Variants in ATP9B observed in about 807,000 individuals in gnomAD.
ATP9B encodes the protein ATPase phospholipid transporting 9B.
ATP9B carries 110 observed loss-of-function variants against 146.1 expected under a neutral mutation model. The observed-to-expected ratio is 0.75, with a 90% CI of 0.65 to 0.88. The LOEUF (loss-of-function observed/expected upper bound fraction) is 0.88, where lower values mean the gene tolerates loss of function less well. ATP9B is among the 40% of genes least tolerant of loss of function. ATP9B has a pLI of 0.00. For missense variants in ATP9B, 1,499 were observed against 1,496.4 expected (o/e 1.00, Z -0.03); for synonymous variants, 604 against 569.7 (o/e 1.06, Z -0.86).
intron 15 of ATP9B, among the ~76,000 whole-genome samples, chr18:79,317,111 C>A (rs1366889040): frequency 6.6e-6 from 1 of 152,084 alleles, no homozygotes; most frequent in African/African-American, 2.4e-5. Context: ...AGAAAAATCA[C>A]CCAAAATGGC....
At chr18:79,367,525 A>C (rs1349629854) in intron 26 of ATP9B, among the ~76,000 whole-genome samples, 1 of 151,010 alleles carries the variant, frequency 6.6e-6, no homozygotes, top group African/African-American at 2.5e-5. Flanking sequence ...CCTCAACCAG[A>C]GAGCACACAG....
chr18:79,207,089 A>C (rs952167103), intron 10 of ATP9B, 77 bp downstream of exon 10: 5 of 1,408,320 alleles, frequency 3.6e-6, no homozygotes, highest in Non-Finnish European at 4.0e-6. Context: ...ACTCCAAACA[A>C]GGGTTTCTCA....
intron 8 of ATP9B, among the ~76,000 whole-genome samples, chr18:79,184,511 T>A (rs1568354168): frequency 6.6e-6 from 1 of 152,198 alleles, no homozygotes. Flanking sequence ...GGTTTTTTTT[T>A]ATGTTGTGAA....
At position 79,072,486 on chromosome 18, in the gene ATP9B, G is replaced by A. The variant is rs946981991; in HGVS notation, c.119+2957G>A. Among the ~76,000 whole-genome samples, 8 of 152,286 alleles carry A rather than the reference G, an allele frequency of 5.3e-5. No homozygotes were observed. The East Asian group carries it at 1.2e-3, about 22-fold the overall frequency. The stretch of plus-strand genomic sequence containing the variant: ...GTTGGGGGTAAGGTTATAGATTAAC[G>A]GCATCCCAAGGCAGAAGAATTTTTC... On this transcript the variant is annotated intron_variant, in intron 1 of 29. Coordinates refer to ENST00000426216, the MANE Select transcript of ATP9B (RefSeq NM_198531.5).
chr18:79,257,081 C>T (rs2096089753), intron 12 of ATP9B, among the ~76,000 whole-genome samples: 3 of 152,180 alleles, frequency 2.0e-5, no homozygotes, highest in Admixed American at 6.5e-5. Flanking sequence ...AGGTGGATCA[C>T]CTGAGGTCAG....
chr18:79,212,056 T>A (rs1158751048), intron 10 of ATP9B, among the ~76,000 whole-genome samples: 1 of 152,220 alleles, frequency 6.6e-6, no homozygotes, highest in Admixed American at 6.5e-5. Context: ...GTTAATCCCT[T>A]TCCTCTGTTT....
chr18:79,306,858 C>G (rs1216311486), intron 14 of ATP9B, 128 bp from the exon 15 acceptor site: 2 of 1,109,118 alleles, frequency 1.8e-6, no homozygotes, highest in Non-Finnish European at 2.5e-6. Context: ...AGGAGATAAT[C>G]AGAATCAAAT....
At chr18:79,093,146 A>G (rs539592168) in intron 1 of ATP9B, among the ~76,000 whole-genome samples, 2 of 152,316 alleles carry the variant, frequency 1.3e-5, no homozygotes, top group East Asian at 3.9e-4. Context: ...ACTGTTTTAT[A>G]TGCAATCCAT....
intron 12 of ATP9B, among the ~76,000 whole-genome samples, chr18:79,268,356 G>A (rs894734084): frequency 6.6e-6 from 1 of 151,976 alleles, no homozygotes; most frequent in Non-Finnish European, 1.5e-5. Context: ...TTATAATACT[G>A]TTTATATTTT....
rs2096756751 is a variant in ATP9B, at chr18:79,327,520, CGTGCTCTCCGTGGTTAGCGTGCTCTCCGT to C, written c.1774-1619_1774-1591del. On this transcript the variant is annotated intron_variant, in intron 15 of 29. Transcript: ENST00000426216. ...GTTAGTGTGCTCTCTCCATGGTTAG[CGTGCTCTCCGTGGTTAGCGTGCTCTCCGT>C]GGTTAGCGTGCTCTCCGTGGTTAGC... Among the ~76,000 whole-genome samples the C allele has an allele frequency of 1.6e-4, 16 of 101,514 alleles. No individual in the cohort carries two copies. In the South Asian group the frequency reaches 3.7e-3, roughly 24 times the overall value. 66.6% of individuals were successfully genotyped at this position (101,514 alleles called of 152,430 possible). A position where few individuals can be genotyped will look rare whatever the true frequency, so the allele number is the denominator to read the frequency against.
At chr18:79,182,921 G>A (rs1482442652) in intron 8 of ATP9B, among the ~76,000 whole-genome samples, 1 of 152,064 alleles carries the variant, frequency 6.6e-6, no homozygotes, top group African/African-American at 2.4e-5. Context: ...AAAAGAAGTG[G>A]ATGTCAATTT....
At chr18:79,118,909 A>G (rs2094141000) in intron 4 of ATP9B, among the ~76,000 whole-genome samples, 1 of 151,966 alleles carries the variant, frequency 6.6e-6, no homozygotes, top group Non-Finnish European at 1.5e-5. Flanking sequence ...ATCTCTACCA[A>G]AAAATAGAAA....
At chr18:79,093,884 AAT>A (rs2074556309) in intron 1 of ATP9B, among the ~76,000 whole-genome samples, 1 of 152,206 alleles carries the variant, frequency 6.6e-6, no homozygotes, top group Non-Finnish European at 1.5e-5. Context: ...TTAAAATTCC[AAT>A]ATGTTTTTCA....
At chr18:79,150,504 G>T (rs967439650) in intron 6 of ATP9B, among the ~76,000 whole-genome samples, 5 of 152,144 alleles carry the variant, frequency 3.3e-5, no homozygotes, top group African/African-American at 7.2e-5. Flanking sequence ...GTAGCTGTGC[G>T]TTCACACCGT....
intron 25 of ATP9B, among the ~76,000 whole-genome samples, chr18:79,350,521 A>G (rs966023986): frequency 1.3e-5 from 2 of 152,342 alleles, no homozygotes; most frequent in African/African-American, 2.4e-5. Flanking sequence ...CATGGTGTCA[A>G]CTTGAACCTT....
intron 9 of ATP9B, among the ~76,000 whole-genome samples, chr18:79,206,289 A>G (rs1178559501): frequency 6.6e-6 from 1 of 152,218 alleles, no homozygotes; most frequent in Admixed American, 6.5e-5. Flanking sequence ...CATTTTTAAA[A>G]TATATGTTTA....
At chr18:79,350,266 C>T (rs1286717098) in intron 25 of ATP9B, among the ~76,000 whole-genome samples, 2 of 152,210 alleles carry the variant, frequency 1.3e-5, no homozygotes, top group Non-Finnish European at 2.9e-5. Flanking sequence ...AGGTAAGAGC[C>T]TAGGGAAACC....
intron 8 of ATP9B, among the ~76,000 whole-genome samples, chr18:79,191,302 T>A (rs1176039229): frequency 2.0e-5 from 3 of 152,226 alleles, no homozygotes; most frequent in African/African-American, 7.2e-5. Flanking sequence ...TTGATATTTT[T>A]AAATTTTATT....
chr18:79,306,609 G>A lies in ATP9B; in HGVS notation c.1525-377G>A, dbSNP rs565868251. 2.0e-5 allele frequency among the ~76,000 whole-genome samples: 3 copies of A among 152,314 alleles called. No homozygotes were observed. In the East Asian group the frequency reaches 5.8e-4, roughly 29 times the overall value. ...CAACATTATTTAAAGAAAGCTGAAA[G>A]CAGTTGTGAGTATACCATTTCATTT... On this transcript the variant is annotated intron_variant, in intron 14 of 29. Transcript: ENST00000426216.
Sources: allele counts gnomAD v4.1 joint callset (sites outside exome capture counted in the v4.1 genomes callset), GRCh38; gene constraint gnomAD v4.1.1; transcripts MANE v1.5; gene names NCBI Gene and HGNC (gene_info 2026-07-23, HGNC 2026-07-21).